IGF1R: variants seen among roughly 807,000 people sequenced by gnomAD.
The protein encoded by IGF1R is insulin like growth factor 1 receptor, also known as insulin-like growth factor 1 receptor.
A neutral mutation model predicts 144.6 loss-of-function variants in IGF1R; 44 were observed. That is an observed-to-expected ratio of 0.30 (90% CI 0.24 to 0.39). The LOEUF is 0.39. Ranked by LOEUF, IGF1R falls within the 10% of genes least tolerant of loss-of-function variation. The pLI is 1.00. For missense variants in IGF1R, 1,355 were observed against 1,833.7 expected (o/e 0.74, Z 4.77); for synonymous variants, 795 against 722.8 (o/e 1.10, Z -1.60).
intron 2 of IGF1R, among the ~76,000 whole-genome samples, chr15:98,717,354 C>A (rs1384942509): frequency 1.3e-5 from 2 of 151,540 alleles, no homozygotes; most frequent in African/African-American, 2.4e-5. Context: ...TTAAATTAAA[C>A]TATCTAAGAG....
chr15:98,921,853 G>A (rs914005755), intron 10 of IGF1R, among the ~76,000 whole-genome samples: 1 of 152,120 alleles, frequency 6.6e-6, no homozygotes, highest in South Asian at 2.1e-4. Context: ...ACACAGCCAG[G>A]ACTGCCTGGC....
chr15:98,953,936 C>T (rs753268570), intron 20 of IGF1R, among the ~76,000 whole-genome samples: 1 of 152,164 alleles, frequency 6.6e-6, no homozygotes, highest in African/African-American at 2.4e-5. Flanking sequence ...CACACAGGCC[C>T]CATGTCCACA....
chr15:98,816,985 C>T (rs1166905372), intron 2 of IGF1R, among the ~76,000 whole-genome samples: 1 of 152,190 alleles, frequency 6.6e-6, no homozygotes, highest in Non-Finnish European at 1.5e-5. Flanking sequence ...GCTCTGTCTG[C>T]TCCAGCAGTG....
chr15:98,796,305 TGTTA>T (rs986948580), intron 2 of IGF1R, among the ~76,000 whole-genome samples: 3 of 152,098 alleles, frequency 2.0e-5, no homozygotes, highest in African/African-American at 7.2e-5. Flanking sequence ...GGGGTTTGCT[TGTTA>T]GTTTGTTGTA....
At position 98,924,837 on chromosome 15, in the gene IGF1R, G is replaced by A. The variant is rs1012052822; in HGVS notation, c.2782+153G>A. ...TCATGCTAAGGTGCCGGCACATACCGGCACTGTGTGTGAAAGGTTGGGCAG... is the reference window on the plus strand; with the variant it reads ...TCATGCTAAGGTGCCGGCACATACCAGCACTGTGTGTGAAAGGTTGGGCAG... On this transcript the variant is annotated intron_variant, in intron 13 of 20. Coordinates refer to ENST00000650285, the MANE Select transcript of IGF1R (RefSeq NM_000875.5). 9.2e-5 allele frequency among the ~76,000 whole-genome samples: 14 copies of A among 152,140 alleles called. No individual in the cohort carries two copies. The East Asian group carries it at 1.9e-3, about 21-fold the overall frequency.
At chr15:98,936,183 T>C (rs996842275) in intron 17 of IGF1R, among the ~76,000 whole-genome samples, 3 of 152,212 alleles carry the variant, frequency 2.0e-5, no homozygotes, top group African/African-American at 7.2e-5. Context: ...TGATCCAGAG[T>C]CAGTGTCCTG....
intron 2 of IGF1R, among the ~76,000 whole-genome samples, chr15:98,751,673 G>A (rs2055015598): frequency 6.6e-6 from 1 of 152,138 alleles, no homozygotes; most frequent in African/African-American, 2.4e-5. Context: ...CCTTGAAATA[G>A]GATTTCTGTG....
At chr15:98,695,989 C>G (rs1349159265) in intron 1 of IGF1R, among the ~76,000 whole-genome samples, 1 of 151,464 alleles carries the variant, frequency 6.6e-6, no homozygotes, top group Non-Finnish European at 1.5e-5. Context: ...TACTAAGTCT[C>G]CCTTAGGTAC....
rs184925290 is a variant in IGF1R at position 98,964,227 on chromosome 15, A to G, written c.*6785A>G. 17 of 228,188 alleles carry G rather than the reference A, an allele frequency of 7.4e-5. No individual in the cohort carries two copies. Among genetic ancestry groups the G allele is most frequent in the African/African-American group, 3.2e-4 (14 of 43,966 alleles). 14.1% of individuals were successfully genotyped at this position (228,188 alleles called of 1,614,324 possible). A position where few individuals can be genotyped will look rare whatever the true frequency, so the allele number is the denominator to read the frequency against. On this transcript the variant is annotated 3_prime_UTR_variant, in exon 21 of 21. Transcript: ENST00000650285. ...TTAAAAAAAAATTTTTTTAAGTAAG[A>G]AAAAAAAAGGTAATAACATGGCCAA...
At chr15:98,650,156 G>A (rs2052317377) in intron 1 of IGF1R, among the ~76,000 whole-genome samples, 1 of 152,206 alleles carries the variant, frequency 6.6e-6, no homozygotes, top group Admixed American at 6.5e-5. Context: ...AGTGGGGAGC[G>A]GGCAGCCGCC....
At chr15:98,783,170 A>C (rs1460115780) in intron 2 of IGF1R, among the ~76,000 whole-genome samples, 2 of 152,240 alleles carry the variant, frequency 1.3e-5, no homozygotes, top group Middle Eastern at 3.2e-3. Flanking sequence ...GTTTCAAGAA[A>C]TAATAAAGAG....
intron 2 of IGF1R, among the ~76,000 whole-genome samples, chr15:98,882,272 G>T (rs939257215): frequency 6.6e-6 from 1 of 152,232 alleles, no homozygotes; most frequent in Non-Finnish European, 1.5e-5. Flanking sequence ...CTGCGTGTCA[G>T]ACACCTGCAT....
chr15:98,695,587 C>T (rs1400442386), intron 1 of IGF1R, among the ~76,000 whole-genome samples: 1 of 152,166 alleles, frequency 6.6e-6, no homozygotes, highest in Non-Finnish European at 1.5e-5. Flanking sequence ...TCCTTAGCTG[C>T]AAAACAGAGC....
chr15:98,856,007 G>A (rs962656080), intron 2 of IGF1R, among the ~76,000 whole-genome samples: 1 of 152,240 alleles, frequency 6.6e-6, no homozygotes, highest in Non-Finnish European at 1.5e-5. Context: ...CTGCTGTATA[G>A]TGGCAAGGTC....
chr15:98,770,610 G>C (rs1331368722), intron 2 of IGF1R, among the ~76,000 whole-genome samples: 1 of 152,072 alleles, frequency 6.6e-6, no homozygotes, highest in Non-Finnish European at 1.5e-5. Flanking sequence ...AAAAAATAAA[G>C]GGGAAGACAT....
intron 2 of IGF1R, among the ~76,000 whole-genome samples, chr15:98,855,880 A>G (rs1274427299): frequency 2.0e-5 from 3 of 152,256 alleles, no homozygotes; most frequent in Non-Finnish European, 2.9e-5. Flanking sequence ...AAGAAAAAGA[A>G]TAATGGAAGT....
chr15:98,829,532 G>T (rs1369233638), intron 2 of IGF1R, among the ~76,000 whole-genome samples: 1 of 152,164 alleles, frequency 6.6e-6, no homozygotes, highest in Non-Finnish European at 1.5e-5. Flanking sequence ...GTGCGGGTCT[G>T]TGGGGGATGA....
At chr15:98,818,033 A>T (rs1596328308) in intron 2 of IGF1R, among the ~76,000 whole-genome samples, 1 of 152,146 alleles carries the variant, frequency 6.6e-6, no homozygotes, top group African/African-American at 2.4e-5. Context: ...CTGTATCCTC[A>T]TATAGTGGTG....
At chr15:98,760,611 G>A (rs538826493) in intron 2 of IGF1R, among the ~76,000 whole-genome samples, 1 of 152,204 alleles carries the variant, frequency 6.6e-6, no homozygotes, top group African/African-American at 2.4e-5. Context: ...CATTGCAGGC[G>A]TGTGTGCATG....
Sources: allele counts gnomAD v4.1 joint callset (sites outside exome capture counted in the v4.1 genomes callset), GRCh38; gene constraint gnomAD v4.1.1; transcripts MANE v1.5; gene names NCBI Gene and HGNC (gene_info 2026-07-23, HGNC 2026-07-21).